Variants in NCALD observed in about 807,000 individuals in gnomAD.
The protein encoded by NCALD is neurocalcin-delta.
In NCALD, 10 loss-of-function variants were observed where a neutral mutation model predicts 18.6. The observed-to-expected ratio is 0.54, with a 90% confidence interval of 0.33 to 0.91. The LOEUF (loss-of-function observed/expected upper bound fraction) is 0.91. Among genes scored for constraint, NCALD ranks in the 40% least tolerant of loss-of-function variants. NCALD has a pLI of 0.03. For synonymous variants in NCALD, 88 were observed against 87.4 expected (o/e 1.01, Z -0.04); for missense variants, 184 against 247.6 (o/e 0.74, Z 1.72).
intron 1 of NCALD, among the ~76,000 whole-genome samples, chr8:102,032,192 A>G (rs1822696896): frequency 6.6e-6 from 1 of 152,164 alleles, no homozygotes; most frequent in African/African-American, 2.4e-5. Context: ...AGTGGTGTAT[A>G]AGATGGGTCT....
intron 2 of NCALD, among the ~76,000 whole-genome samples, chr8:101,960,031 T>C (rs1031535908): frequency 6.6e-6 from 1 of 152,148 alleles, no homozygotes; most frequent in Non-Finnish European, 1.5e-5. Context: ...TTCAGCCCTA[T>C]CTAATGGCTT....
chr8:102,065,796 A>G (rs1240596094), intron 1 of NCALD, among the ~76,000 whole-genome samples: 1 of 152,192 alleles, frequency 6.6e-6, no homozygotes, highest in African/African-American at 2.4e-5. Flanking sequence ...CAACATAGCG[A>G]GACCCTGTCT....
In NCALD at chr8:101,834,553, G is replaced by A. The variant is rs550832374; in HGVS notation, c.-20+52588C>T. ...CCCTATTTTGGGGACTGAGCTGCTCGGGACCTGATTTTTGGGCTCTCCCTG... is the reference window on the plus strand; with the variant it reads ...CCCTATTTTGGGGACTGAGCTGCTCAGGACCTGATTTTTGGGCTCTCCCTG... On this transcript the variant is annotated intron_variant, in intron 4 of 6. Coordinates refer to the NCALD transcript ENST00000311028. Among the ~76,000 whole-genome samples, 43 of 152,346 alleles carry A rather than the reference G, an allele frequency of 2.8e-4. 1 individual carries two copies. Among genetic ancestry groups the A allele is most frequent in the Admixed American group, 7.2e-4 (11 of 15,314 alleles).
At chr8:101,846,919 C>T (rs1464704986) in intron 4 of NCALD, among the ~76,000 whole-genome samples, 3 of 152,166 alleles carry the variant, frequency 2.0e-5, no homozygotes, top group Non-Finnish European at 4.4e-5. Context: ...ATTCCAGCCA[C>T]AAGGAGTATT....
intron 3 of NCALD, among the ~76,000 whole-genome samples, chr8:101,890,733 G>C (rs1816841523): frequency 6.6e-6 from 1 of 152,130 alleles, no homozygotes; most frequent in Non-Finnish European, 1.5e-5. Context: ...CCTCCAAAAT[G>C]GTGAGAGATA....
intron 2 of NCALD, among the ~76,000 whole-genome samples, chr8:101,966,965 G>T (rs1820055182): frequency 6.6e-6 from 1 of 152,062 alleles, no homozygotes; most frequent in South Asian, 2.1e-4. Flanking sequence ...AACAAATTAG[G>T]ATATAAAATA....
intron 1 of NCALD, among the ~76,000 whole-genome samples, chr8:101,767,072 A>G (rs1378880522): frequency 6.6e-6 from 1 of 152,114 alleles, no homozygotes; most frequent in Non-Finnish European, 1.5e-5. Flanking sequence ...TTCCCCCTTC[A>G]GGTACCAGAA....
At chr8:102,058,180 C>A (rs1823720250) in intron 1 of NCALD, among the ~76,000 whole-genome samples, 1 of 152,168 alleles carries the variant, frequency 6.6e-6, no homozygotes, top group Non-Finnish European at 1.5e-5. Flanking sequence ...GGAAGGTGAG[C>A]AAGATTTACC....
intron 1 of NCALD, among the ~76,000 whole-genome samples, chr8:101,753,546 AT>A (rs2130787621): frequency 6.6e-6 from 1 of 152,348 alleles, no homozygotes; most frequent in Admixed American, 6.5e-5. Context: ...ATAGATATTG[AT>A]TAGCGTAAGG....
intron 4 of NCALD, among the ~76,000 whole-genome samples, chr8:101,843,582 G>GTTTTTTTTTTT (rs369393213): frequency 0.016 from 2,018 of 124,630 alleles, 212 homozygotes; most frequent in African/African-American, 0.04. Flanking sequence ...TTTAAAAATT[G>GTTTTTTTTTTT]TTTTTTTTTT....
intron 1 of NCALD, among the ~76,000 whole-genome samples, chr8:102,117,853 C>T (rs1825837257): frequency 6.6e-6 from 1 of 152,152 alleles, no homozygotes; most frequent in African/African-American, 2.4e-5. Flanking sequence ...TTCCAAAGAA[C>T]CAAAACACAC....
At chr8:101,814,333 A>C (rs767977772) in intron 4 of NCALD, among the ~76,000 whole-genome samples, 4 of 152,186 alleles carry the variant, frequency 2.6e-5, no homozygotes, top group Non-Finnish European at 4.4e-5. Flanking sequence ...GGTATGGTTT[A>C]ACATTCAAAA....
chr8:101,849,870 A>G (rs1815020339), intron 4 of NCALD, among the ~76,000 whole-genome samples: 1 of 152,234 alleles, frequency 6.6e-6, no homozygotes, highest in South Asian at 2.1e-4. Flanking sequence ...CAATGAATTC[A>G]CACTGAAGAC....
chr8:101,822,958 C>T (rs1402598315), intron 4 of NCALD, among the ~76,000 whole-genome samples: 1 of 152,188 alleles, frequency 6.6e-6, no homozygotes, highest in Non-Finnish European at 1.5e-5. Flanking sequence ...TAGACCCTTA[C>T]TGATGCAATT....
chr8:101,709,646 A>T (rs1185997501), intron 2 of NCALD, among the ~76,000 whole-genome samples: 3 of 152,184 alleles, frequency 2.0e-5, no homozygotes. Context: ...AACACATCTA[A>T]GCATTTATGG....
At chr8:101,812,950 G>A (rs183799012) in intron 4 of NCALD, among the ~76,000 whole-genome samples, 53 of 152,120 alleles carry the variant, frequency 3.5e-4, no homozygotes, top group African/African-American at 1.3e-3. Context: ...TAATGCCACT[G>A]ACTCCTGAAA....
At position 101,689,668 on chromosome 8, in the gene NCALD, G is replaced by A. The variant is rs916725819; in HGVS notation, c.485-262C>T. Among the ~76,000 whole-genome samples the A allele has an allele frequency of 5.3e-5, 8 of 152,230 alleles. No homozygotes were observed. Among genetic ancestry groups the A allele is most frequent in the African/African-American group, 1.2e-4 (5 of 41,456 alleles). On this transcript the variant is annotated intron_variant, in intron 3 of 3. Transcript: ENST00000220931. This position sits in a 1 kb window ranked among gnomAD's most constrained non-coding sequence, Gnocchi z 4.4. Reference sequence around the variant, plus strand: ...CTGCCTGAGAGCCCACTGTGTGCCCGGCCCTGGGCCCGGGACTGGGGAGAG... The same window carrying A: ...CTGCCTGAGAGCCCACTGTGTGCCCAGCCCTGGGCCCGGGACTGGGGAGAG...
At chr8:101,922,569 T>C (rs1444225131) in intron 2 of NCALD, among the ~76,000 whole-genome samples, 1 of 152,222 alleles carries the variant, frequency 6.6e-6, no homozygotes, top group East Asian at 1.9e-4. Context: ...GCTGCTTTCA[T>C]TAAAATATAT....
intron 2 of NCALD, among the ~76,000 whole-genome samples, chr8:101,934,708 C>T (rs1818698382): frequency 6.6e-6 from 1 of 151,870 alleles, no homozygotes; most frequent in Non-Finnish European, 1.5e-5. Context: ...AAACCTAGAA[C>T]GAAATGGAAG....
Sources: allele counts gnomAD v4.1 joint callset (sites outside exome capture counted in the v4.1 genomes callset), GRCh38; gene constraint gnomAD v4.1.1; non-coding constraint Gnocchi (gnomAD v3.1); transcripts MANE v1.5; gene names NCBI Gene and HGNC (gene_info 2026-07-23, HGNC 2026-07-21).